SH3GL2: variants seen among roughly 807,000 people sequenced by gnomAD.
SH3GL2 encodes the protein endophilin-A1.
A neutral mutation model predicts 46.0 loss-of-function variants in SH3GL2; 24 were observed. That is an observed-to-expected ratio of 0.52 (90% CI 0.38 to 0.73). The LOEUF (loss-of-function observed/expected upper bound fraction) is 0.73, where lower values mean the gene tolerates loss of function less well. SH3GL2 is among the 30% of genes least tolerant of loss of function. The probability of loss-of-function intolerance (pLI) is 0.00; values close to 1 mark genes in which losing one functional copy is unlikely to be tolerated. For synonymous variants in SH3GL2, 196 were observed against 147.1 expected (o/e 1.33, Z -2.40); for missense variants, 413 against 424.2 (o/e 0.97, Z 0.23).
intron 1 of SH3GL2, among the ~76,000 whole-genome samples, chr9:17,660,328 T>C (rs1820181626): frequency 6.6e-6 from 1 of 152,174 alleles, no homozygotes; most frequent in African/African-American, 2.4e-5. Flanking sequence ...AAGCTGTGTG[T>C]CTGTGGACCT....
intron 1 of SH3GL2, among the ~76,000 whole-genome samples, chr9:17,594,165 G>A (rs1324467648): frequency 1.3e-5 from 2 of 152,154 alleles, no homozygotes; most frequent in African/African-American, 4.8e-5. Flanking sequence ...CTGTTCAGGA[G>A]TCTGAAGTGT....
At chr9:17,682,053 G>T (rs576796038) in intron 1 of SH3GL2, among the ~76,000 whole-genome samples, 5 of 152,094 alleles carry the variant, frequency 3.3e-5, no homozygotes, top group Non-Finnish European at 7.4e-5. Flanking sequence ...TTATTAAAAA[G>T]TCAAGAAACA....
intron 1 of SH3GL2, among the ~76,000 whole-genome samples, chr9:17,638,319 A>T (rs1052571709): frequency 2.0e-5 from 3 of 152,196 alleles, no homozygotes; most frequent in Non-Finnish European, 4.4e-5. Context: ...TTATCCAGAT[A>T]TTTATTGGGT....
At chr9:17,617,673 C>A (rs1819035838) in intron 1 of SH3GL2, among the ~76,000 whole-genome samples, 1 of 152,146 alleles carries the variant, frequency 6.6e-6, no homozygotes, top group Non-Finnish European at 1.5e-5. Context: ...GTGATTACTA[C>A]CTGTCTCACC....
chr9:17,599,478 A>G (rs1403719367), intron 1 of SH3GL2, among the ~76,000 whole-genome samples: 1 of 152,254 alleles, frequency 6.6e-6, no homozygotes, highest in Non-Finnish European at 1.5e-5. Context: ...AATATGTGTC[A>G]ATATGCAGAT....
chr9:17,728,664 C>A (rs573507324), intron 1 of SH3GL2, among the ~76,000 whole-genome samples: 1 of 151,984 alleles, frequency 6.6e-6, no homozygotes, highest in Non-Finnish European at 1.5e-5. Context: ...TGTGATGTTC[C>A]CCTTCCTGTG....
chr9:17,744,147 C>G (rs968229666), intron 1 of SH3GL2, among the ~76,000 whole-genome samples: 6 of 151,992 alleles, frequency 3.9e-5, no homozygotes, highest in Non-Finnish European at 7.4e-5. Flanking sequence ...GTTTCCTAGC[C>G]CAAATTTAAT....
chr9:17,609,289 T>C (rs1052614092), intron 1 of SH3GL2, among the ~76,000 whole-genome samples: 1 of 152,114 alleles, frequency 6.6e-6, no homozygotes, highest in Non-Finnish European at 1.5e-5. Flanking sequence ...TTTTTTTTTT[T>C]CTGGATATTT....
chr9:17,691,484 A>G (rs1588244340), intron 1 of SH3GL2, among the ~76,000 whole-genome samples: 1 of 152,246 alleles, frequency 6.6e-6, no homozygotes, highest in South Asian at 2.1e-4. Context: ...CGGCCTACAA[A>G]CAAATCCCTA....
At chr9:17,621,757 A>C (rs1175345497) in intron 1 of SH3GL2, among the ~76,000 whole-genome samples, 1 of 152,162 alleles carries the variant, frequency 6.6e-6, no homozygotes, top group Non-Finnish European at 1.5e-5. Flanking sequence ...AGTGGTGGAG[A>C]GTTAAAGCCA....
At chr9:17,718,621 A>C (rs115253306) in intron 1 of SH3GL2, among the ~76,000 whole-genome samples, 402 of 152,214 alleles carry the variant, frequency 2.6e-3, no homozygotes, top group African/African-American at 9.3e-3. Context: ...CCACTGACTC[A>C]GGGGGCTGAG....
intron 3 of SH3GL2, among the ~76,000 whole-genome samples, chr9:17,767,994 A>G (rs1823364990): frequency 6.6e-6 from 1 of 152,190 alleles, no homozygotes; most frequent in Admixed American, 6.5e-5. Flanking sequence ...TTAGACTTTT[A>G]AGTCAGCTAG....
At chr9:17,613,053 T>C (rs955277425) in intron 1 of SH3GL2, among the ~76,000 whole-genome samples, 1 of 152,210 alleles carries the variant, frequency 6.6e-6, no homozygotes, top group East Asian at 1.9e-4. Context: ...CAAGTTTATT[T>C]TGAGCAAGAA....
At chr9:17,658,341 C>A (rs3808723) in intron 1 of SH3GL2, among the ~76,000 whole-genome samples, 3 of 151,948 alleles carry the variant, frequency 2.0e-5, no homozygotes, top group Non-Finnish European at 4.4e-5. Context: ...GCAAATTATA[C>A]TGCTTCCTGT....
intron 1 of SH3GL2, among the ~76,000 whole-genome samples, chr9:17,691,451 C>G (rs184941694): frequency 1.3e-5 from 2 of 152,202 alleles, no homozygotes; most frequent in East Asian, 3.9e-4. Flanking sequence ...TAGGACATTT[C>G]TTGCTAACCT....
At chr9:17,733,920 A>G (rs567811708) in intron 1 of SH3GL2, among the ~76,000 whole-genome samples, 2 of 152,052 alleles carry the variant, frequency 1.3e-5, no homozygotes, top group East Asian at 2.0e-4. Context: ...GAATTGAACA[A>G]TGAGAACACA....
intron 1 of SH3GL2, among the ~76,000 whole-genome samples, chr9:17,671,560 A>C (rs1820475663): frequency 6.6e-6 from 1 of 152,138 alleles, no homozygotes; most frequent in Admixed American, 6.5e-5. Context: ...TACGATTATC[A>C]CTCATTGCAT....
chr9:17,713,063 A>C (rs1821670634), intron 1 of SH3GL2, among the ~76,000 whole-genome samples: 1 of 150,358 alleles, frequency 6.7e-6, no homozygotes, highest in Non-Finnish European at 1.5e-5. Context: ...TTCCCTTCTT[A>C]GTGTGCTGGG....
chr9:17,635,385 T>C (rs979803019), intron 1 of SH3GL2, among the ~76,000 whole-genome samples: 2 of 152,202 alleles, frequency 1.3e-5, no homozygotes, highest in African/African-American at 4.8e-5. Context: ...AGTCTATCAT[T>C]GATGGGCATT....
Sources: gnomAD v4.1 joint callset for allele counts (sites outside exome capture counted in the v4.1 genomes callset) on GRCh38, gnomAD v4.1.1 for gene constraint, MANE v1.5 for transcripts, NCBI Gene and HGNC (gene_info 2026-07-23, HGNC 2026-07-21) for gene names.